ZNF385D: variants seen among roughly 807,000 people sequenced by gnomAD.
ZNF385D encodes zinc finger protein 385D, also known as zinc finger protein 659.
In ZNF385D, 15 loss-of-function variants were observed where a neutral mutation model predicts 35.8. The ratio of observed to expected loss-of-function variants is 0.42; its 90% CI spans 0.28 to 0.64. The LOEUF (loss-of-function observed/expected upper bound fraction) is 0.64, where lower values mean the gene tolerates loss of function less well. ZNF385D is among the 30% of genes least tolerant of loss of function. The pLI, the probability that ZNF385D is intolerant of heterozygous loss-of-function variation, is 0.23. For missense variants in ZNF385D, 474 were observed against 494.6 expected (o/e 0.96, Z 0.39); for synonymous variants, 212 against 186.8 (o/e 1.13, Z -1.10).
chr3:22,357,400 TAC>T (rs1235659477), intron 2 of ZNF385D, among the ~76,000 whole-genome samples: 1 of 151,844 alleles, frequency 6.6e-6, no homozygotes, highest in Non-Finnish European at 1.5e-5. Flanking sequence ...CAAATACTTT[TAC>T]AGTCTTAGGA....
chr3:22,077,235 T>C (rs192580622), intron 3 of ZNF385D, among the ~76,000 whole-genome samples: 36 of 152,128 alleles, frequency 2.4e-4, no homozygotes, highest in Middle Eastern at 3.4e-3. Flanking sequence ...TACTGTATAA[T>C]TGCACTAAGC....
At chr3:21,433,864 T>A (rs572132228) in intron 5 of ZNF385D, among the ~76,000 whole-genome samples, 3 of 152,286 alleles carry the variant, frequency 2.0e-5, no homozygotes, top group African/African-American at 7.2e-5. Context: ...ATTACTTATC[T>A]TGTAATTGAC....
At chr3:21,519,783 T>A (rs1448546926) in intron 3 of ZNF385D, among the ~76,000 whole-genome samples, 1 of 152,206 alleles carries the variant, frequency 6.6e-6, no homozygotes, top group East Asian at 1.9e-4. Flanking sequence ...GTCTAGCTGC[T>A]CAGCCAGTGT....
intron 1 of ZNF385D, among the ~76,000 whole-genome samples, chr3:21,743,823 T>G (rs2069634660): frequency 6.6e-6 from 1 of 152,220 alleles, no homozygotes. Context: ...ATTCATATTT[T>G]CTGACTATTA....
At chr3:21,577,955 G>A (rs1266887118) in intron 2 of ZNF385D, among the ~76,000 whole-genome samples, 3 of 151,658 alleles carry the variant, frequency 2.0e-5, no homozygotes, top group African/African-American at 7.3e-5. Context: ...GACTACAGGT[G>A]CTCACCATCA....
At chr3:22,163,901 T>C (rs146370892) in intron 3 of ZNF385D, among the ~76,000 whole-genome samples, 4 of 146,184 alleles carry the variant, frequency 2.7e-5, no homozygotes, top group Admixed American at 6.8e-5. Context: ...CTAAAAAGGA[T>C]GATGTGCTTA....
intron 2 of ZNF385D, among the ~76,000 whole-genome samples, chr3:22,224,842 T>G (rs1698461852): frequency 6.6e-6 from 1 of 152,204 alleles, no homozygotes; most frequent in South Asian, 2.1e-4. Flanking sequence ...GGACCCACTC[T>G]GGAGCCAGAG....
intron 2 of ZNF385D, among the ~76,000 whole-genome samples, chr3:21,589,911 G>A (rs2063919917): frequency 6.6e-6 from 1 of 152,020 alleles, no homozygotes. Flanking sequence ...AAAATTAGTA[G>A]CACTCTTTGG....
At chr3:22,347,967 T>A (rs920083391) in intron 2 of ZNF385D, among the ~76,000 whole-genome samples, 3 of 152,174 alleles carry the variant, frequency 2.0e-5, no homozygotes, top group Non-Finnish European at 4.4e-5. Flanking sequence ...ACCTGAAATA[T>A]GAATAAATTC....
At chr3:21,706,724 T>C (rs1475103407) in intron 1 of ZNF385D, among the ~76,000 whole-genome samples, 2 of 152,122 alleles carry the variant, frequency 1.3e-5, no homozygotes, top group Admixed American at 6.6e-5. Context: ...ACCATGTACA[T>C]GAAGGCATCT....
chr3:21,682,899 A>G (rs1326394347), intron 1 of ZNF385D, among the ~76,000 whole-genome samples: 3 of 149,978 alleles, frequency 2.0e-5, no homozygotes, highest in African/African-American at 7.4e-5. Flanking sequence ...TTTCTAAGAT[A>G]GTCATCAGCC....
intron 4 of ZNF385D, among the ~76,000 whole-genome samples, chr3:21,442,589 A>G (rs1172247510): frequency 6.6e-6 from 1 of 151,948 alleles, no homozygotes; most frequent in Non-Finnish European, 1.5e-5. Flanking sequence ...AAATTTATTG[A>G]GCCCATACCA....
At chr3:21,791,477 T>C (rs990843217) in intron 3 of ZNF385D, among the ~76,000 whole-genome samples, 4 of 152,202 alleles carry the variant, frequency 2.6e-5, no homozygotes, top group Non-Finnish European at 4.4e-5. Context: ...TCAGAGGATT[T>C]AAGGAGGAAC....
intron 3 of ZNF385D, among the ~76,000 whole-genome samples, chr3:21,864,782 T>C (rs1697244924): frequency 6.6e-6 from 1 of 152,070 alleles, no homozygotes; most frequent in African/African-American, 2.4e-5. Context: ...TTGTCTCTTC[T>C]TACTAAGAGG....
intron 3 of ZNF385D, among the ~76,000 whole-genome samples, chr3:21,519,080 C>G (rs1261813822): frequency 6.6e-6 from 1 of 151,894 alleles, no homozygotes; most frequent in East Asian, 1.9e-4. Context: ...GTCTTCTGTA[C>G]TCTTCAATAC....
intron 4 of ZNF385D, among the ~76,000 whole-genome samples, chr3:21,497,846 CT>C (rs1300550216): frequency 8.6e-5 from 13 of 152,006 alleles, no homozygotes; most frequent in Non-Finnish European, 1.2e-4. Context: ...GAGACGCTGT[CT>C]CAAAAATATA....
intron 4 of ZNF385D, among the ~76,000 whole-genome samples, chr3:21,492,305 A>G (rs1433878679): frequency 2.0e-5 from 3 of 152,006 alleles, no homozygotes; most frequent in African/African-American, 7.2e-5. Flanking sequence ...TTAAAAACCA[A>G]TAGCTAAATT....
At chr3:22,111,707 A>G (rs1430405383) in intron 3 of ZNF385D, among the ~76,000 whole-genome samples, 11 of 152,184 alleles carry the variant, frequency 7.2e-5, no homozygotes, top group Non-Finnish European at 1.3e-4. Flanking sequence ...ATAAAAAAGT[A>G]GAAGACATCG....
At chr3:21,872,729 G>T (rs1218660330) in intron 3 of ZNF385D, among the ~76,000 whole-genome samples, 1 of 151,930 alleles carries the variant, frequency 6.6e-6, no homozygotes, top group Non-Finnish European at 1.5e-5. Flanking sequence ...ACTTCTGAAG[G>T]GATAAAAGCA....
Sources: allele counts gnomAD v4.1 joint callset (sites outside exome capture counted in the v4.1 genomes callset), GRCh38; gene constraint gnomAD v4.1.1; transcripts MANE v1.5; gene names NCBI Gene and HGNC (gene_info 2026-07-23, HGNC 2026-07-21).